SH3BP4: variants seen among roughly 807,000 people sequenced by gnomAD.
The protein encoded by SH3BP4 is SH3 domain binding protein 4, also known as SH3 domain-binding protein 4.
Under a neutral mutation model 65.5 loss-of-function variants are expected in SH3BP4, and 33 were observed. That is an observed-to-expected ratio of 0.50 (90% CI 0.38 to 0.67). The LOEUF (loss-of-function observed/expected upper bound fraction) is 0.67. Among genes scored for constraint, SH3BP4 ranks in the 30% least tolerant of loss-of-function variants. SH3BP4 has a pLI of 0.00. For synonymous variants in SH3BP4, 552 were observed against 545.5 expected, an observed-to-expected ratio of 1.01 and a Z score of -0.17; for missense variants, 1,134 against 1,261.4, an observed-to-expected ratio of 0.90 and a Z score of 1.53.
intron 1 of SH3BP4, among the ~76,000 whole-genome samples, chr2:234,975,801 A>G (rs1038650710): frequency 6.6e-6 from 1 of 152,156 alleles, no homozygotes; most frequent in Non-Finnish European, 1.5e-5. Flanking sequence ...ACCTGAGCCC[A>G]GGAGATTGAG....
In SH3BP4 at chr2:234,998,880, C is replaced by T. The variant is rs543037279; in HGVS notation, c.-133+3504C>T. Among the ~76,000 whole-genome samples the T allele has an allele frequency of 1.3e-4, 20 of 152,346 alleles. No individual in the cohort carries two copies. In the South Asian group the frequency reaches 3.9e-3, roughly 30 times the overall value. The stretch of plus-strand genomic sequence containing the variant: ...GTCCTTAATAGCATGACCAGGTCTG[C>T]TTGGACTGTCCTTTGAGGTGTCCTG... On this transcript the variant is annotated intron_variant, in intron 2 of 5. Transcript: ENST00000392011.
Position 235,042,781 on chromosome 2 carries a change from A to G in SH3BP4, c.2012A>G (p.Asn671Ser). 5 of 1,614,120 alleles carry G rather than the reference A, an allele frequency of 3.1e-6. No homozygotes were observed. The highest frequency in any genetic ancestry group is 4.2e-6 in the Non-Finnish European group (5 of 1,180,036). ...AAGACTGTGGTGCGGCAGAACAAGA[A>G]CCACTACCTGCTGGAGTACAAGAAG... ...LLKTVVRQNK[N>S]HYLLEYKKGD... Residue 671 changes from asparagine (N) to serine (S), a missense_variant, in exon 4 of 6, where the codon AAC becomes AGC. Coordinates refer to ENST00000392011, the MANE Select transcript of SH3BP4 (RefSeq NM_014521.3). The surrounding 1 kb of genome is among the most constrained non-coding windows in gnomAD (Gnocchi z 7.3).
At chr2:235,051,159 C>T (rs1051015853) in intron 4 of SH3BP4, among the ~76,000 whole-genome samples, 5 of 152,194 alleles carry the variant, frequency 3.3e-5, no homozygotes, top group African/African-American at 9.6e-5. Context: ...TTCCTGGTGA[C>T]GTCATCCTGA....
In SH3BP4 at chr2:235,042,947, G is replaced by T; in HGVS notation, c.2178G>T (p.Arg726=). ...TKNVLVVGRA[R]PSLCSGPELS... is the part of the protein sequence containing the mutation. ...ACGTGCTGGTGGTCGGCAGGGCCCGGCCCAGCCTGTGCTCGGGCCCCGAGC... is the reference window on the plus strand; with the variant it reads ...ACGTGCTGGTGGTCGGCAGGGCCCGTCCCAGCCTGTGCTCGGGCCCCGAGC... The change falls in exon 4 of 6, where the codon CGG becomes CGT. Residue 726 remains arginine (R), a synonymous_variant. Coordinates refer to ENST00000392011, the MANE Select transcript of SH3BP4 (RefSeq NM_014521.3). The surrounding 1 kb of genome is among the most constrained non-coding windows in gnomAD (Gnocchi z 7.3). 1.9e-6 allele frequency: 3 copies of T among 1,612,998 alleles called. No individual in the cohort carries two copies. The highest frequency in any genetic ancestry group is 2.5e-6 in the Non-Finnish European group (3 of 1,179,780).
At position 235,036,826 on chromosome 2, in the gene SH3BP4, A is replaced by G. The variant is rs192650528; in HGVS notation, c.118+1706A>G. On this transcript the variant is annotated intron_variant, in intron 3 of 5. Coordinates refer to ENST00000392011, the MANE Select transcript of SH3BP4 (RefSeq NM_014521.3). ...ATCCCTAATTTAGAGGAGGAAGACA[A>G]ACAAGACAGCCTTGAACGTGAGGAG... 5.3e-5 allele frequency among the ~76,000 whole-genome samples: 8 copies of G among 152,094 alleles called. No individual in the cohort carries two copies. The East Asian group carries it at 1.4e-3, about 26-fold the overall frequency.
chr2:234,983,762 G>T (rs932313698), intron 1 of SH3BP4, among the ~76,000 whole-genome samples: 3 of 152,158 alleles, frequency 2.0e-5, no homozygotes, highest in Non-Finnish European at 4.4e-5. Context: ...CTGGAGTCCC[G>T]AGCTTTGAAG....
rs989325505 is a variant in SH3BP4, at chr2:235,030,063, A to G, written c.-132-4808A>G. On this transcript the variant is annotated intron_variant, in intron 2 of 5. Transcript: ENST00000392011. The surrounding 1 kb of genome is among the most constrained non-coding windows in gnomAD (Gnocchi z 4.1). ...CGGCAATATGTAACCCTGGAGGTAC[A>G]GGTGGAGACTGAGTAGTGGGGGTCT... is the stretch of plus-strand genomic sequence containing the variant. 1.3e-5 allele frequency among the ~76,000 whole-genome samples: 2 copies of G among 152,196 alleles called. No individual in the cohort carries two copies. The highest frequency in any genetic ancestry group is 2.4e-5 in the African/African-American group (1 of 41,442).
chr2:234,981,455 G>C (rs1693380672), intron 1 of SH3BP4, among the ~76,000 whole-genome samples: 1 of 152,178 alleles, frequency 6.6e-6, no homozygotes, highest in East Asian at 1.9e-4. Flanking sequence ...CTCACAGCCA[G>C]GCCAGTGCAC....
At chr2:234,972,587 C>T (rs986279468) in intron 1 of SH3BP4, among the ~76,000 whole-genome samples, 2 of 151,894 alleles carry the variant, frequency 1.3e-5, no homozygotes, top group Non-Finnish European at 2.9e-5. Flanking sequence ...ATTAGCTGGG[C>T]ATGGTGGCAT....
chr2:235,010,139 C>T (rs1005688596), intron 2 of SH3BP4, among the ~76,000 whole-genome samples: 4 of 152,150 alleles, frequency 2.6e-5, no homozygotes, highest in African/African-American at 9.7e-5. Flanking sequence ...AGAGACCCCT[C>T]CCCATGGTGC....
Position 235,043,082 on chromosome 2 carries a change from C to T in SH3BP4, c.2313C>T (p.Ser771=). The change falls in exon 4 of 6, where the codon TCC becomes TCT. Residue 771 remains serine, a synonymous_variant. Transcript: ENST00000392011. Reference sequence around the variant, plus strand: ...TGGAGAACATCAGCAGCTGGCGCTCCTTCGCTGACGCCCTGGGCTACGTGA... The same window carrying T: ...TGGAGAACATCAGCAGCTGGCGCTCTTTCGCTGACGCCCTGGGCTACGTGA... ...LLMENISSWR[S]FADALGYVNL... 1 of 1,613,464 alleles carries T rather than the reference C, an allele frequency of 6.2e-7. No homozygotes were observed. Among genetic ancestry groups the T allele is most frequent in the South Asian group, 1.1e-5 (1 of 91,018 alleles).
At chr2:234,975,565 G>C (rs1044367870) in intron 1 of SH3BP4, among the ~76,000 whole-genome samples, 11 of 152,196 alleles carry the variant, frequency 7.2e-5, no homozygotes, top group African/African-American at 2.7e-4. Flanking sequence ...CAAGCTTTGA[G>C]GGTCAAAAAT....
At chr2:235,012,464 C>T (rs1694540733) in intron 2 of SH3BP4, among the ~76,000 whole-genome samples, 1 of 152,218 alleles carries the variant, frequency 6.6e-6, no homozygotes, top group African/African-American at 2.4e-5. Flanking sequence ...ATGTTTGGAT[C>T]ATTGTACATC....
chr2:234,955,436 C>T (rs1031306329), intron 1 of SH3BP4, among the ~76,000 whole-genome samples: 4 of 152,148 alleles, frequency 2.6e-5, no homozygotes, highest in African/African-American at 9.7e-5. Flanking sequence ...ATTCAGTATC[C>T]TCCAGGAAGC....
Position 234,952,149 on chromosome 2 carries a change from G to A in SH3BP4, c.-228G>A, listed in dbSNP as rs1362194549. 1.3e-5 allele frequency: 2 copies of A among 149,356 alleles called. No homozygotes were observed. Among genetic ancestry groups the A allele is most frequent in the Non-Finnish European group, 3.0e-5 (2 of 66,718 alleles). The allele number at this position is 149,356 out of a possible 1,614,324, so 9.3% of individuals were successfully genotyped here. A position where few individuals can be genotyped will look rare whatever the true frequency, so the allele number is the denominator to read the frequency against. On this transcript the variant is annotated 5_prime_UTR_variant, in exon 1 of 6. Coordinates refer to ENST00000392011, the MANE Select transcript of SH3BP4 (RefSeq NM_014521.3). This position sits in a 1 kb window ranked among gnomAD's most constrained non-coding sequence, Gnocchi z 6.5. ...CCGACGAGCGGAGCCTCAGGAGCCG[G>A]CGGGGACGCCATGCGAGCCAGGTAG...
chr2:234,972,576 A>G (rs953571683), intron 1 of SH3BP4, among the ~76,000 whole-genome samples: 1 of 152,028 alleles, frequency 6.6e-6, no homozygotes, highest in Admixed American at 6.5e-5. Flanking sequence ...AAATACAAAA[A>G]ATTAGCTGGG....
chr2:234,958,118 GAT>G (rs1364825134), intron 1 of SH3BP4, among the ~76,000 whole-genome samples: 2 of 152,080 alleles, frequency 1.3e-5, no homozygotes, highest in Non-Finnish European at 2.9e-5. Context: ...GCTGTTCTCA[GAT>G]ATTAAAGCAG....
At position 235,033,594 on chromosome 2, in the gene SH3BP4, G is replaced by T. The variant is rs1695273146; in HGVS notation, c.-132-1277G>T. 1.3e-5 allele frequency among the ~76,000 whole-genome samples: 2 copies of T among 152,234 alleles called. No homozygotes were observed. Among genetic ancestry groups the T allele is most frequent in the Non-Finnish European group, 2.9e-5 (2 of 68,036 alleles). On this transcript the variant is annotated intron_variant, in intron 2 of 5. Coordinates refer to ENST00000392011, the MANE Select transcript of SH3BP4 (RefSeq NM_014521.3). The surrounding 1 kb of genome is among the most constrained non-coding windows in gnomAD (Gnocchi z 5.7). ...CTATCCGCCGGTCACTGGGAGCTGG[G>T]ATTGCAGCTTCTGATGCAGTGGTGA...
chr2:235,038,376 C>T (rs943521661), intron 3 of SH3BP4, among the ~76,000 whole-genome samples: 2,456 of 12,044 alleles, frequency 0.2, 371 homozygotes, highest in South Asian at 0.54. Context: ...AATATATATA[C>T]ATATATATAT....
Sources: gnomAD v4.1 joint callset for allele counts (sites outside exome capture counted in the v4.1 genomes callset) on GRCh38, gnomAD v4.1.1 for gene constraint, Gnocchi (gnomAD v3.1) non-coding constraint, MANE v1.5 for transcripts, NCBI Gene and HGNC (gene_info 2026-07-23, HGNC 2026-07-21) for gene names.